The following IGSF21 variants were observed in gnomAD, a reference collection of about 807,000 sequenced individuals.
The protein encoded by IGSF21 is immunoglobulin superfamily member 21.
IGSF21 carries 28 observed loss-of-function variants against 46.8 expected under a neutral mutation model. That is an observed-to-expected ratio of 0.60 (90% CI 0.44 to 0.82). The LOEUF (loss-of-function observed/expected upper bound fraction) is 0.82, where lower values mean the gene tolerates loss of function less well. Ranked by LOEUF, IGSF21 falls within the 40% of genes least tolerant of loss-of-function variation. IGSF21 has a pLI of 0.00. For missense variants in IGSF21, 624 were observed against 665.5 expected (o/e 0.94, Z 0.69); for synonymous variants, 284 against 273.6 (o/e 1.04, Z -0.38).
At chr1:18,368,875 T>C (rs546365382) in intron 6 of IGSF21, among the ~76,000 whole-genome samples, 20 of 152,250 alleles carry the variant, frequency 1.3e-4, no homozygotes, top group Non-Finnish European at 2.8e-4. Context: ...AAAGTGAGCT[T>C]GTAGCTGACA....
intron 1 of IGSF21, among the ~76,000 whole-genome samples, chr1:18,177,435 G>GTGTA (rs1288708397): frequency 6.7e-6 from 1 of 149,554 alleles, no homozygotes; most frequent in Non-Finnish European, 1.5e-5. Flanking sequence ...GTGTGTGTGT[G>GTGTA]TACATGGTTC....
chr1:18,339,455 G>C (rs1248364836), intron 4 of IGSF21, among the ~76,000 whole-genome samples: 3 of 152,188 alleles, frequency 2.0e-5, no homozygotes, highest in African/African-American at 7.2e-5. Flanking sequence ...CGATGGTCCT[G>C]GCATGGTGGC....
chr1:18,359,884 G>T (rs2086081243), intron 4 of IGSF21, among the ~76,000 whole-genome samples: 2 of 152,152 alleles, frequency 1.3e-5, no homozygotes, highest in African/African-American at 4.8e-5. Flanking sequence ...TCTTCCCAAA[G>T]GTCGAGGTGG....
intron 3 of IGSF21, among the ~76,000 whole-genome samples, chr1:18,315,334 A>T (rs981935840): frequency 6.6e-6 from 1 of 152,076 alleles, no homozygotes; most frequent in Non-Finnish European, 1.5e-5. Context: ...GTCTACCAGC[A>T]CCCCAGATGC....
rs924911595 is a variant in IGSF21 at position 18,148,374 on chromosome 1, C to T, written c.70+40176C>T. ...GTCTCGATCTCCTGACCTCATGATCCGCCCGCCTCGGCCTCCCAAAGTGCT... is the reference window on the plus strand; with the variant it reads ...GTCTCGATCTCCTGACCTCATGATCTGCCCGCCTCGGCCTCCCAAAGTGCT... On this transcript the variant is annotated intron_variant, in intron 1 of 9. Coordinates refer to ENST00000251296, the MANE Select transcript of IGSF21 (RefSeq NM_032880.5). Among the ~76,000 whole-genome samples, 10 of 152,158 alleles carry T rather than the reference C, an allele frequency of 6.6e-5. No homozygotes were observed. In the South Asian group the frequency reaches 1.2e-3, roughly 19 times the overall value.
chr1:18,118,826 T>G (rs1271212301), intron 1 of IGSF21, among the ~76,000 whole-genome samples: 2 of 152,126 alleles, frequency 1.3e-5, no homozygotes, highest in Non-Finnish European at 2.9e-5. Context: ...CAGGCCAGTC[T>G]GGCTTGCAGA....
intron 1 of IGSF21, among the ~76,000 whole-genome samples, chr1:18,158,410 C>A (rs747711858): frequency 1.3e-5 from 2 of 152,116 alleles, no homozygotes; most frequent in African/African-American, 4.8e-5. Context: ...GCGGTAGGAA[C>A]GAAGAGGAAT....
intron 6 of IGSF21, among the ~76,000 whole-genome samples, chr1:18,372,298 G>A (rs2086232344): frequency 6.6e-6 from 1 of 152,170 alleles, no homozygotes. Context: ...GAAATATTCA[G>A]GAAATATAAG....
chr1:18,282,933 T>A (rs552942323), intron 2 of IGSF21, among the ~76,000 whole-genome samples: 5 of 152,324 alleles, frequency 3.3e-5, no homozygotes, highest in African/African-American at 1.2e-4. Context: ...GAAACACACC[T>A]ATTTGTACAG....
chr1:18,357,569 A>G lies in IGSF21; in HGVS notation c.425-4546A>G, dbSNP rs534585561. Among the ~76,000 whole-genome samples, 3 of 152,152 alleles carry G rather than the reference A, an allele frequency of 2.0e-5. No individual in the cohort carries two copies. In the South Asian group the frequency reaches 6.2e-4, roughly 32 times the overall value. On this transcript the variant is annotated intron_variant, in intron 4 of 9. Coordinates refer to ENST00000251296, the MANE Select transcript of IGSF21 (RefSeq NM_032880.5). ...AATATAAAAAGGGAAGCCTAAGTGA[A>G]GGAAGGCTTTTATTGGGCTATGAAA...
chr1:18,157,285 A>T (rs1217743747), intron 1 of IGSF21, among the ~76,000 whole-genome samples: 2 of 152,090 alleles, frequency 1.3e-5, no homozygotes, highest in African/African-American at 4.8e-5. Context: ...TGGAGGGCTA[A>T]CTCTGCCTCG....
At chr1:18,209,663 T>C (rs2124489495) in intron 1 of IGSF21, among the ~76,000 whole-genome samples, 2 of 150,744 alleles carry the variant, frequency 1.3e-5, no homozygotes, top group African/African-American at 4.9e-5. Flanking sequence ...GGTTTCACTA[T>C]GTTGGGCAGA....
chr1:18,262,063 A>G (rs399440), intron 2 of IGSF21, among the ~76,000 whole-genome samples: 23,671 of 152,152 alleles, frequency 0.16, 1,962 homozygotes, highest in Middle Eastern at 0.23. Flanking sequence ...ACCTCCAGAG[A>G]GTCTGATTCA....
chr1:18,118,012 C>A (rs1269876211), intron 1 of IGSF21, among the ~76,000 whole-genome samples: 1 of 152,204 alleles, frequency 6.6e-6, no homozygotes, highest in African/African-American at 2.4e-5. Flanking sequence ...ATGGGGAAGC[C>A]TCTGGGTCCC....
In IGSF21 at chr1:18,142,200, G is replaced by A. The variant is rs148535065; in HGVS notation, c.70+34002G>A. Among the ~76,000 whole-genome samples, 9 of 152,248 alleles carry A rather than the reference G, an allele frequency of 5.9e-5. No homozygotes were observed. The East Asian group carries it at 1.2e-3, about 20-fold the overall frequency. On this transcript the variant is annotated intron_variant, in intron 1 of 9. Transcript: ENST00000251296. ...CGTGCTTCTCTTTCTCTAGCAATCC[G>A]TATCAGGACAAGGGGACTCCATTTA...
intron 1 of IGSF21, among the ~76,000 whole-genome samples, chr1:18,225,085 T>TCTCA: frequency 9.7e-5 from 5 of 51,614 alleles, no homozygotes; most frequent in African/African-American, 3.5e-4. Flanking sequence ...TCTCTCTCTC[T>TCTCA]CACACACACA....
chr1:18,232,572 G>C (rs1374919486), intron 2 of IGSF21, among the ~76,000 whole-genome samples: 1 of 152,158 alleles, frequency 6.6e-6, no homozygotes, highest in Non-Finnish European at 1.5e-5. Context: ...TGTGTCTCGG[G>C]TCATGTTGCC....
intron 2 of IGSF21, among the ~76,000 whole-genome samples, chr1:18,282,908 C>T (rs1019350679): frequency 1.3e-5 from 2 of 152,228 alleles, no homozygotes; most frequent in African/African-American, 4.8e-5. Context: ...CATGTACAGC[C>T]TCGTAGGCAG....
intron 1 of IGSF21, among the ~76,000 whole-genome samples, chr1:18,160,351 C>T (rs112669416): frequency 1.1e-4 from 16 of 152,320 alleles, no homozygotes; most frequent in Admixed American, 3.3e-4. Context: ...GAATACATGA[C>T]ATAAAGCACT....
Sources: gnomAD v4.1 joint callset for allele counts (sites outside exome capture counted in the v4.1 genomes callset) on GRCh38, gnomAD v4.1.1 for gene constraint, MANE v1.5 for transcripts, NCBI Gene and HGNC (gene_info 2026-07-23, HGNC 2026-07-21) for gene names.